Variants in JADE1 observed in about 807,000 individuals in gnomAD.
JADE1 encodes the protein protein Jade-1.
In JADE1, 14 loss-of-function variants were observed where a neutral mutation model predicts 81.8. That is an observed-to-expected ratio of 0.17 (90% CI 0.11 to 0.27). JADE1 has a LOEUF of 0.27. Ranked by LOEUF, JADE1 falls within the 10% of genes least tolerant of loss-of-function variation. The pLI is 1.00. For synonymous variants in JADE1, 353 were observed against 391.9 expected (o/e 0.90, Z 1.17); for missense variants, 690 against 1,047.9 (o/e 0.66, Z 4.71).
chr4:128,821,718 G>A (rs1329068144), intron 1 of JADE1, among the ~76,000 whole-genome samples: 3 of 151,918 alleles, frequency 2.0e-5, no homozygotes, highest in African/African-American at 4.8e-5. Flanking sequence ...ACTGGGTTTC[G>A]CCATGTTGGC....
At chr4:128,834,417 GC>G (rs1728801089) in intron 2 of JADE1, among the ~76,000 whole-genome samples, 1 of 151,982 alleles carries the variant, frequency 6.6e-6, no homozygotes, top group Non-Finnish European at 1.5e-5. Flanking sequence ...CCCTTTCAAG[GC>G]CCTGTCTCCA....
In JADE1 at chr4:128,857,429, A is replaced by G. The variant is rs1416545822; in HGVS notation, c.956A>G (p.Asn319Ser). The G allele has an allele frequency of 3.1e-6, 5 of 1,613,984 alleles. No individual in the cohort carries two copies. Among genetic ancestry groups the G allele is most frequent in the Admixed American group, 3.3e-5 (2 of 59,996 alleles). ...TGGGCGCTAGTGTGCAGCCTCTGCAATGAGAAGTTTGGGGCCTCTATACAG... is the reference window on the plus strand; with the variant it reads ...TGGGCGCTAGTGTGCAGCCTCTGCAGTGAGAAGTTTGGGGCCTCTATACAG... ...SRWALVCSLC[N>S]EKFGASIQCS... The change falls in exon 8 of 11, where the codon AAT (asparagine) becomes AGT (serine). Residue 319 changes from asparagine (N) to serine (S), a missense_variant. By Grantham distance (46) the Asn-to-Ser change is conservative. This residue lies in a region of JADE1 where 84 missense variants were observed against 226.6 expected (regional missense o/e 0.37). Transcript: ENST00000226319.
chr4:128,863,187 C>G (rs1731505062), intron 9 of JADE1: 2 of 985,448 alleles, frequency 2.0e-6, no homozygotes, highest in African/African-American at 3.5e-5. Flanking sequence ...CTTCCTGCTA[C>G]AGGAATAATG....
intron 5 of JADE1, 45 bp from the exon 6 acceptor site, chr4:128,852,012 A>T: frequency 8.5e-7 from 1 of 1,177,710 alleles, no homozygotes; most frequent in Non-Finnish European, 1.3e-6. Context: ...AATATTTATT[A>T]ATATGGATTT....
rs762303406 is a variant in JADE1, at chr4:128,872,032, G to A, written c.2299G>A (p.Asp767Asn). The A allele has an allele frequency of 9.3e-6, 15 of 1,613,776 alleles. No individual in the cohort carries two copies. The highest frequency in any genetic ancestry group is 1.3e-5 in the Non-Finnish European group (15 of 1,179,924). Reference sequence around the variant, plus strand: ...ACGGCAGCAGCAGGGAGAGGCCCACGATGGGGCCTGCCACCAGCACTCAGA... The same window carrying A: ...ACGGCAGCAGCAGGGAGAGGCCCACAATGGGGCCTGCCACCAGCACTCAGA... ...GERQQQGEAHDGACHQHSDYP... is the reference protein window; with the variant it reads ...GERQQQGEAHNGACHQHSDYP... The change falls in exon 11 of 11, where the codon GAT (aspartate) becomes AAT (asparagine). Residue 767 changes from aspartate (D) to asparagine (N), a missense_variant. Around this residue, in one of 8 missense-constraint regions of JADE1, gnomAD observed 218 missense variants for 274.3 expected, o/e 0.79. Coordinates refer to ENST00000226319, the MANE Select transcript of JADE1 (RefSeq NM_199320.4).
chr4:128,825,132 C>T (rs372336517), intron 1 of JADE1, among the ~76,000 whole-genome samples: 27 of 152,124 alleles, frequency 1.8e-4, no homozygotes, highest in African/African-American at 5.1e-4. Context: ...CTCTGCCTCC[C>T]GGGTTCAAGC....
At chr4:128,828,304 A>T (rs974059623) in intron 1 of JADE1, among the ~76,000 whole-genome samples, 6 of 152,216 alleles carry the variant, frequency 3.9e-5, no homozygotes, top group African/African-American at 1.4e-4. Flanking sequence ...GAGTCAGGAA[A>T]GGTGATGATG....
At chr4:128,821,575 A>G (rs1367006049) in intron 1 of JADE1, among the ~76,000 whole-genome samples, 6 of 149,928 alleles carry the variant, frequency 4.0e-5, no homozygotes, top group African/African-American at 1.5e-4. Context: ...GCTTACTGCA[A>G]CCTCCGCCTC....
At chr4:128,826,301 G>A (rs183911196) in intron 1 of JADE1, among the ~76,000 whole-genome samples, 6 of 152,234 alleles carry the variant, frequency 3.9e-5, no homozygotes, top group South Asian at 2.1e-4. Flanking sequence ...TCTCTGTCCC[G>A]TACTGCAAGG....
rs1438881567 is a variant in JADE1, at chr4:128,871,922, A to G, written c.2189A>G (p.Tyr730Cys). 1 of 1,613,974 alleles carries G rather than the reference A, an allele frequency of 6.2e-7. No homozygotes were observed. Among genetic ancestry groups the G allele is most frequent in the African/African-American group, 1.3e-5 (1 of 74,912 alleles). The stretch of plus-strand genomic sequence containing the variant: ...AATGGCTCCCTAATCAAAGTAAACT[A>G]TAATCAGACTGCAGTCAAAGTGCCT... ...KCNGSLIKVN[Y>C]NQTAVKVPTT... Residue 730 changes from tyrosine to cysteine, a missense_variant, in exon 11 of 11, where the codon TAT (tyrosine) becomes TGT (cysteine). Around this residue, in one of 8 missense-constraint regions of JADE1, gnomAD observed 218 missense variants for 274.3 expected, o/e 0.79. Transcript: ENST00000226319. The surrounding 1 kb of genome is among the most constrained non-coding windows in gnomAD (Gnocchi z 4.1).
chr4:128,846,419 C>T lies in JADE1; in HGVS notation c.183C>T (p.Ser61=), dbSNP rs1319700509. Residue 61 remains serine (S), a synonymous_variant, in exon 4 of 11, where the codon TCC becomes TCT. Transcript: ENST00000226319. The surrounding 1 kb of genome is among the most constrained non-coding windows in gnomAD (Gnocchi z 4.0). ...TCACTGCCATGAAGTTGCATGACTC[C>T]TACCAGCTGAATCCGGATGAGTACT... ...DLITAMKLHD[S]YQLNPDEYYV... is the part of the protein sequence containing the mutation. 2.5e-6 allele frequency: 4 copies of T among 1,614,056 alleles called. No homozygotes were observed. The African/African-American group carries it at 4.0e-5, about 16-fold the overall frequency.
At chr4:128,855,370 C>G (rs1003439354) in intron 6 of JADE1, among the ~76,000 whole-genome samples, 1 of 152,188 alleles carries the variant, frequency 6.6e-6, no homozygotes, top group African/African-American at 2.4e-5. Context: ...TCCAGGACCA[C>G]CCTCTGCTAA....
At chr4:128,867,782 A>G in intron 9 of JADE1, 74 bp from the exon 10 acceptor site, 3 of 900,138 alleles carry the variant, frequency 3.3e-6, no homozygotes, top group East Asian at 2.5e-5. Context: ...TCTCTTAGGT[A>G]AAGAAATTTA....
At chr4:128,860,485 CTGTTGAATG>C (rs1176703523) in intron 8 of JADE1, among the ~76,000 whole-genome samples, 1 of 152,194 alleles carries the variant, frequency 6.6e-6, no homozygotes, top group African/African-American at 2.4e-5. Context: ...GATTCAGGAT[CTGTTGAATG>C]AGTTGAATTC....
At chr4:128,812,788 T>C (rs1027278571) in intron 1 of JADE1, among the ~76,000 whole-genome samples, 13 of 152,242 alleles carry the variant, frequency 8.5e-5, no homozygotes, top group Admixed American at 7.8e-4. Flanking sequence ...CGCCCTGCCT[T>C]ACTTCGGCAG....
Position 128,872,394 on chromosome 4 carries a change from A to G in JADE1, c.*132A>G, listed in dbSNP as rs531470333. The G allele has an allele frequency of 1.9e-4, 146 of 763,200 alleles. No individual in the cohort carries two copies. The East Asian group carries it at 3.9e-3, about 20-fold the overall frequency. The allele number at this position is 763,200 out of a possible 1,614,324, so 47.3% of individuals were successfully genotyped here. A position where few individuals can be genotyped will look rare whatever the true frequency, so the allele number is the denominator to read the frequency against. On this transcript the variant is annotated 3_prime_UTR_variant, in exon 11 of 11. Transcript: ENST00000226319. The stretch of plus-strand genomic sequence containing the variant: ...ACACATTTACTTGCAATTCAGATTA[A>G]TTTTTTTCCAGAGTCATTTTTAAAT...
At chr4:128,860,506 A>G (rs1483523865) in intron 8 of JADE1, among the ~76,000 whole-genome samples, 2 of 152,100 alleles carry the variant, frequency 1.3e-5, no homozygotes, top group African/African-American at 4.8e-5. Context: ...GTTGAATTCA[A>G]CTTCTCAGTT....
At chr4:128,851,420 TGTTA>T (rs1395607693) in intron 5 of JADE1, among the ~76,000 whole-genome samples, 1 of 152,196 alleles carries the variant, frequency 6.6e-6, no homozygotes, top group Non-Finnish European at 1.5e-5. Flanking sequence ...GTCACTTACG[TGTTA>T]GTTGTTATGT....
intron 9 of JADE1, among the ~76,000 whole-genome samples, chr4:128,866,884 G>A (rs893569150): frequency 1.3e-5 from 2 of 152,342 alleles, no homozygotes; most frequent in East Asian, 1.9e-4. Context: ...ATCTGTGTTT[G>A]CAGGTCCGTG....
Sources: gnomAD v4.1 joint callset for allele counts (sites outside exome capture counted in the v4.1 genomes callset) on GRCh38, gnomAD v4.1.1 for gene constraint, gnomAD v4.1.1 regional missense constraint, Gnocchi (gnomAD v3.1) non-coding constraint, MANE v1.5 for transcripts, NCBI Gene and HGNC (gene_info 2026-07-23, HGNC 2026-07-21) for gene names.